CREB5: variants seen among roughly 807,000 people sequenced by gnomAD.
The protein encoded by CREB5 is cAMP responsive element binding protein 5, also known as cyclic AMP-responsive element-binding protein 5.
Under a neutral mutation model 57.1 loss-of-function variants are expected in CREB5, and 19 were observed. The observed-to-expected ratio is 0.33, with a 90% CI of 0.23 to 0.49. The LOEUF is 0.49. CREB5 is among the 20% of genes least tolerant of loss of function. The probability of loss-of-function intolerance (pLI) is 0.99; values close to 1 mark genes in which losing one functional copy is unlikely to be tolerated. For missense variants in CREB5, 579 were observed against 671.6 expected (o/e 0.86, Z 1.52); for synonymous variants, 238 against 238.3 (o/e 1.00, Z 0.01).
intron 7 of CREB5, among the ~76,000 whole-genome samples, chr7:28,770,960 GTTAA>G (rs1425335900): frequency 6.6e-6 from 1 of 152,166 alleles, no homozygotes; most frequent in African/African-American, 2.4e-5. Flanking sequence ...TAGGTGAGGT[GTTAA>G]TTAAGTTGAT....
At chr7:28,416,372 A>G (rs1480923585) in intron 1 of CREB5, among the ~76,000 whole-genome samples, 1 of 152,190 alleles carries the variant, frequency 6.6e-6, no homozygotes, top group African/African-American at 2.4e-5. Context: ...TTTTTGTTTG[A>G]ATTAGCTGAC....
rs937838497 is a variant in CREB5 at position 28,316,803 on chromosome 7, T to G, written c.-25+17362T>G. On this transcript the variant is annotated intron_variant, in intron 1 of 9. Coordinates refer to the CREB5 transcript ENST00000396299. ...ATTTCAGAATACTTTCAAAATCTCC[T>G]CACTGATTCACAGTGCAGAATGTAT... Among the ~76,000 whole-genome samples the G allele has an allele frequency of 3.9e-5, 6 of 152,204 alleles. No homozygotes were observed. In the East Asian group the frequency reaches 1.2e-3, roughly 29 times the overall value.
At chr7:28,403,394 C>A (rs570436945) in intron 1 of CREB5, among the ~76,000 whole-genome samples, 1 of 152,296 alleles carries the variant, frequency 6.6e-6, no homozygotes, top group East Asian at 1.9e-4. Flanking sequence ...TTATTAAATT[C>A]TCCCCAAAAC....
In CREB5 at chr7:28,500,762, G is replaced by A. The variant is rs146633816; in HGVS notation, c.169+5763G>A. Among the ~76,000 whole-genome samples the A allele has an allele frequency of 4.1e-3, 620 of 152,294 alleles. 5 individuals carry two copies. The highest frequency in any genetic ancestry group is 0.014 in the African/African-American group (590 of 41,554). ...AGGGGGAAGCTGGAGGGAAGATGGC[G>A]TATCTCACTCCAAATTCTTTTTTAG... On this transcript the variant is annotated intron_variant, in intron 3 of 10. Transcript: ENST00000357727.
intron 1 of CREB5, among the ~76,000 whole-genome samples, chr7:28,367,690 C>T (rs531051834): frequency 6.6e-6 from 1 of 152,276 alleles, no homozygotes; most frequent in African/African-American, 2.4e-5. Flanking sequence ...TGCCTGTAAT[C>T]CCAGCTACTC....
intron 1 of CREB5, among the ~76,000 whole-genome samples, chr7:28,362,468 A>G (rs1786506427): frequency 6.6e-6 from 1 of 152,250 alleles, no homozygotes; most frequent in Admixed American, 6.5e-5. Context: ...TAGATTGTGC[A>G]TATGCCTTTT....
intron 5 of CREB5, among the ~76,000 whole-genome samples, chr7:28,621,199 T>A (rs879273233): frequency 1.1e-5 from 1 of 90,082 alleles, no homozygotes; most frequent in African/African-American, 4.2e-5. Context: ...GGTTGGGGGG[T>A]GGGGGTCACA....
At chr7:28,617,771 A>G (rs576200601) in intron 5 of CREB5, among the ~76,000 whole-genome samples, 1 of 152,266 alleles carries the variant, frequency 6.6e-6, no homozygotes, top group East Asian at 1.9e-4. Context: ...TCTATTTTTA[A>G]AAAATCAGAG....
At chr7:28,425,904 C>T (rs1479342191) in intron 1 of CREB5, among the ~76,000 whole-genome samples, 1 of 152,222 alleles carries the variant, frequency 6.6e-6, no homozygotes, top group Non-Finnish European at 1.5e-5. Flanking sequence ...TGTTCAAACA[C>T]AAACTCATCC....
chr7:28,573,825 C>G (rs1795797551), intron 5 of CREB5, among the ~76,000 whole-genome samples: 1 of 152,068 alleles, frequency 6.6e-6, no homozygotes, highest in Non-Finnish European at 1.5e-5. Context: ...CAAACCAGAC[C>G]AAAATGAGTG....
At chr7:28,319,707 G>T (rs1401477714) in intron 1 of CREB5, among the ~76,000 whole-genome samples, 1 of 152,110 alleles carries the variant, frequency 6.6e-6, no homozygotes, top group African/African-American at 2.4e-5. Context: ...GAAGGGTAGA[G>T]TGAGCATCCC....
intron 4 of CREB5, among the ~76,000 whole-genome samples, chr7:28,547,294 C>A (rs537716135): frequency 1.7e-4 from 26 of 152,268 alleles, no homozygotes; most frequent in African/African-American, 6.0e-4. Flanking sequence ...ATATCAGCAC[C>A]AACACTTGTA....
intron 1 of CREB5, among the ~76,000 whole-genome samples, chr7:28,414,036 G>A (rs1403627297): frequency 2.0e-5 from 3 of 151,942 alleles, no homozygotes; most frequent in East Asian, 1.9e-4. Context: ...GGTGTGTAGT[G>A]TTCACTAGAT....
At chr7:28,492,939 C>CAA (rs11450362) in intron 2 of CREB5, among the ~76,000 whole-genome samples, 2 of 151,792 alleles carry the variant, frequency 1.3e-5, no homozygotes, top group Admixed American at 6.6e-5. Flanking sequence ...GAACCAGTAG[C>CAA]AAAAAATCAT....
chr7:28,399,709 G>A (rs1787413362), intron 1 of CREB5, among the ~76,000 whole-genome samples: 1 of 152,112 alleles, frequency 6.6e-6, no homozygotes, highest in Non-Finnish European at 1.5e-5. Context: ...GAGCCCAGGA[G>A]TTTGAGATCA....
chr7:28,609,820 C>T (rs1374136318), intron 5 of CREB5, among the ~76,000 whole-genome samples: 2 of 152,160 alleles, frequency 1.3e-5, no homozygotes, highest in Non-Finnish European at 2.9e-5. Context: ...GCACAAGTGC[C>T]GTGGAGGATG....
intron 5 of CREB5, among the ~76,000 whole-genome samples, chr7:28,637,728 G>A (rs1798479446): frequency 6.6e-6 from 1 of 152,080 alleles, no homozygotes; most frequent in Admixed American, 6.5e-5. Context: ...GTGAATTGAG[G>A]GTGTTCATAA....
chr7:28,736,707 C>G (rs1300835412), intron 7 of CREB5, among the ~76,000 whole-genome samples: 2 of 152,038 alleles, frequency 1.3e-5, no homozygotes, highest in Non-Finnish European at 2.9e-5. Context: ...GCTTTGGTTA[C>G]CTTAAAGCAA....
chr7:28,735,756 T>C (rs1267819256), intron 7 of CREB5, among the ~76,000 whole-genome samples: 2 of 152,038 alleles, frequency 1.3e-5, no homozygotes, highest in African/African-American at 2.4e-5. Flanking sequence ...ATAATAGTAT[T>C]AAACATTTAC....
Sources: gnomAD v4.1 joint callset for allele counts (sites outside exome capture counted in the v4.1 genomes callset) on GRCh38, gnomAD v4.1.1 for gene constraint, MANE v1.5 for transcripts, NCBI Gene and HGNC (gene_info 2026-07-23, HGNC 2026-07-21) for gene names.